The following TENM4 variants were observed in gnomAD, a reference collection of about 807,000 sequenced individuals.
TENM4 encodes teneurin-4.
A neutral mutation model predicts 243.3 loss-of-function variants in TENM4; 82 were observed. That is an observed-to-expected ratio of 0.34 (90% CI 0.28 to 0.40). The LOEUF is 0.40. TENM4 is among the 10% of genes least tolerant of loss of function. The pLI is 1.00. For missense variants in TENM4, 3,138 were observed against 3,673.3 expected (o/e 0.85, Z 3.77); for synonymous variants, 1,412 against 1,456.3 (o/e 0.97, Z 0.69).
intron 1 of TENM4, among the ~76,000 whole-genome samples, chr11:79,399,168 G>A (rs1858406078): frequency 1.3e-5 from 2 of 152,122 alleles, no homozygotes; most frequent in African/African-American, 2.4e-5. Flanking sequence ...AGCATTTTTT[G>A]TGCCATTTCT....
chr11:79,180,301 T>C (rs936880170), intron 3 of TENM4, among the ~76,000 whole-genome samples: 8 of 151,720 alleles, frequency 5.3e-5, no homozygotes, highest in African/African-American at 1.7e-4. Flanking sequence ...ATACTAGGTA[T>C]ATGGCCATGA....
chr11:78,918,964 CCT>C (rs1452068722), intron 6 of TENM4, among the ~76,000 whole-genome samples: 30 of 152,170 alleles, frequency 2.0e-4, no homozygotes. Flanking sequence ...AGTTACTTAG[CCT>C]CTCTGAGTGT....
At position 78,695,360 on chromosome 11, in the gene TENM4, A is replaced by G. The variant is rs573557546; in HGVS notation, c.5087+6166T>C. 2.7e-5 allele frequency among the ~76,000 whole-genome samples: 4 copies of G among 149,490 alleles called. No individual in the cohort carries two copies. In the East Asian group the frequency reaches 8.0e-4, roughly 30 times the overall value. On this transcript the variant is annotated intron_variant, in intron 28 of 33. Transcript: ENST00000278550. ...TATTGAGTATAATATCTGAGTGGAC[A>G]ATTTTTTTTGTTTGTTTTTGTGAGA...
chr11:78,999,994 CA>C (rs1345851735), intron 6 of TENM4, among the ~76,000 whole-genome samples: 1 of 152,130 alleles, frequency 6.6e-6, no homozygotes, highest in Non-Finnish European at 1.5e-5. Flanking sequence ...GCCAAAGACA[CA>C]GAGAAAATTT....
At chr11:79,182,957 G>A (rs1364393599) in intron 3 of TENM4, among the ~76,000 whole-genome samples, 1 of 152,136 alleles carries the variant, frequency 6.6e-6, no homozygotes, top group Admixed American at 6.5e-5. Flanking sequence ...CATTGCTCAT[G>A]GGAATGCATA....
chr11:79,094,444 G>A (rs1226923956), intron 4 of TENM4, among the ~76,000 whole-genome samples: 1 of 152,176 alleles, frequency 6.6e-6, no homozygotes, highest in Non-Finnish European at 1.5e-5. Context: ...TATGGATCGA[G>A]ATCTGACTCC....
At chr11:79,040,413 C>T (rs1043637729) in intron 6 of TENM4, among the ~76,000 whole-genome samples, 34 of 152,226 alleles carry the variant, frequency 2.2e-4, no homozygotes, top group African/African-American at 7.5e-4. Context: ...GAGCAGCCAG[C>T]CTCCGGCCTC....
intron 19 of TENM4, among the ~76,000 whole-genome samples, chr11:78,739,414 C>G (rs1475199274): frequency 6.6e-6 from 1 of 152,130 alleles, no homozygotes; most frequent in Non-Finnish European, 1.5e-5. Flanking sequence ...TAGTTCCTCT[C>G]TCCCACAAAA....
intron 3 of TENM4, among the ~76,000 whole-genome samples, chr11:79,214,681 C>T (rs1468263330): frequency 6.6e-6 from 1 of 152,180 alleles, no homozygotes; most frequent in East Asian, 1.9e-4. Flanking sequence ...TCCCAGAAAT[C>T]AGGCAGGACC....
chr11:79,101,073 C>A (rs1861219239), intron 4 of TENM4, among the ~76,000 whole-genome samples: 1 of 152,128 alleles, frequency 6.6e-6, no homozygotes, highest in Non-Finnish European at 1.5e-5. Flanking sequence ...AGGAGGGCAG[C>A]TACCTGGGAA....
At chr11:79,013,512 G>C (rs764731156) in intron 6 of TENM4, among the ~76,000 whole-genome samples, 4 of 152,128 alleles carry the variant, frequency 2.6e-5, no homozygotes, top group Non-Finnish European at 4.4e-5. Flanking sequence ...TGCCTCATGG[G>C]TGCAGGCCTG....
At chr11:79,247,907 G>A (rs765649079) in intron 2 of TENM4, among the ~76,000 whole-genome samples, 1 of 152,206 alleles carries the variant, frequency 6.6e-6, no homozygotes, top group Non-Finnish European at 1.5e-5. Flanking sequence ...AGAAACCGGG[G>A]GAAACTGAGG....
intron 3 of TENM4, among the ~76,000 whole-genome samples, chr11:79,211,376 G>A (rs554512130): frequency 6.6e-6 from 1 of 152,108 alleles, no homozygotes; most frequent in South Asian, 2.1e-4. Context: ...CGCTGGACTC[G>A]GGAGTATCTC....
chr11:79,345,065 G>A (rs1857304229), intron 1 of TENM4, among the ~76,000 whole-genome samples: 1 of 152,126 alleles, frequency 6.6e-6, no homozygotes. Flanking sequence ...TGTTCTAACT[G>A]CAGCTCACTT....
intron 1 of TENM4, among the ~76,000 whole-genome samples, chr11:79,318,925 A>G (rs1043027810): frequency 3.9e-5 from 6 of 152,108 alleles, no homozygotes; most frequent in African/African-American, 1.4e-4. Context: ...GCTGTCATGG[A>G]TGTGATTCCC....
At chr11:78,709,173 C>T (rs1590957083) in intron 26 of TENM4, among the ~76,000 whole-genome samples, 1 of 147,158 alleles carries the variant, frequency 6.8e-6, no homozygotes, top group Non-Finnish European at 1.5e-5. Flanking sequence ...GAGATTTCAC[C>T]ATGTTGGTCT....
chr11:78,808,083 G>T (rs77672188), intron 14 of TENM4, among the ~76,000 whole-genome samples: 1,698 of 152,266 alleles, frequency 0.011, 32 homozygotes, highest in African/African-American at 0.031. Context: ...TCCTTTAAAT[G>T]TATTCATTAA....
At chr11:79,102,955 T>G (rs1016980990) in intron 4 of TENM4, among the ~76,000 whole-genome samples, 9 of 152,188 alleles carry the variant, frequency 5.9e-5, no homozygotes, top group Non-Finnish European at 1.3e-4. Flanking sequence ...AGCCAAAACA[T>G]AGCCATGTCA....
chr11:79,143,486 T>G (rs1862333738), intron 4 of TENM4, among the ~76,000 whole-genome samples: 1 of 151,890 alleles, frequency 6.6e-6, no homozygotes, highest in African/African-American at 2.4e-5. Flanking sequence ...TGAGAACACT[T>G]GGACATAGGG....
Sources: gnomAD v4.1 joint callset for allele counts (sites outside exome capture counted in the v4.1 genomes callset) on GRCh38, gnomAD v4.1.1 for gene constraint, MANE v1.5 for transcripts, NCBI Gene and HGNC (gene_info 2026-07-23, HGNC 2026-07-21) for gene names.